The following SCAMP1 variants were observed in gnomAD, a reference collection of about 807,000 sequenced individuals.
SCAMP1 encodes secretory carrier membrane protein 1.
A neutral mutation model predicts 41.8 loss-of-function variants in SCAMP1; 15 were observed. The ratio of observed to expected loss-of-function variants is 0.36; its 90% confidence interval spans 0.24 to 0.55. The LOEUF (loss-of-function observed/expected upper bound fraction) is 0.55, where lower values mean the gene tolerates loss of function less well. Among genes scored for constraint, SCAMP1 ranks in the 20% least tolerant of loss-of-function variants. SCAMP1 has a pLI of 0.86. For missense variants in SCAMP1, 341 were observed against 412.6 expected (o/e 0.83, Z 1.50); for synonymous variants, 135 against 136.8 (o/e 0.99, Z 0.09).
chr5:78,374,529 ATGTCATTTTGGC>A (rs1020951923), intron 1 of SCAMP1, among the ~76,000 whole-genome samples: 1 of 152,112 alleles, frequency 6.6e-6, no homozygotes, highest in Non-Finnish European at 1.5e-5. Flanking sequence ...AGACCTCTCA[ATGTCATTTTGGC>A]TGTAAGCTAA....
intron 1 of SCAMP1, among the ~76,000 whole-genome samples, chr5:78,367,072 T>C (rs1750816449): frequency 6.6e-6 from 1 of 152,178 alleles, no homozygotes. Context: ...TGGAACATAG[T>C]GGTTGCAGTT....
At chr5:78,471,356 C>T (rs1370408238) in intron 8 of SCAMP1, among the ~76,000 whole-genome samples, 2 of 151,982 alleles carry the variant, frequency 1.3e-5, no homozygotes, top group East Asian at 3.9e-4. Context: ...GATATCTGAC[C>T]CATCTGTGGG....
At chr5:78,405,224 G>T (rs563752864) in intron 2 of SCAMP1, among the ~76,000 whole-genome samples, 3 of 152,278 alleles carry the variant, frequency 2.0e-5, no homozygotes, top group Admixed American at 2.0e-4. Context: ...GAAACTGAAA[G>T]TCCCCTTTAC....
At chr5:78,444,889 C>G (rs893498427) in intron 6 of SCAMP1, among the ~76,000 whole-genome samples, 1 of 152,170 alleles carries the variant, frequency 6.6e-6, no homozygotes, top group Non-Finnish European at 1.5e-5. Context: ...CCACTGTTAC[C>G]CCCATTTTGC....
intron 5 of SCAMP1, among the ~76,000 whole-genome samples, chr5:78,419,638 A>C (rs1254184208): frequency 6.6e-6 from 1 of 152,184 alleles, no homozygotes; most frequent in Non-Finnish European, 1.5e-5. Context: ...GGAGGTAGCT[A>C]TTGAGGGTTC....
intron 6 of SCAMP1, among the ~76,000 whole-genome samples, chr5:78,430,143 T>C (rs1752573019): frequency 2.2e-5 from 1 of 45,484 alleles, no homozygotes; most frequent in Admixed American, 2.5e-4. Flanking sequence ...ATAAATACAG[T>C]ATTTATTTAT....
Position 78,427,833 on chromosome 5 carries a change from T to C in SCAMP1, c.632+5873T>C, listed in dbSNP as rs566021597. Among the ~76,000 whole-genome samples, 25 of 152,318 alleles carry C rather than the reference T, an allele frequency of 1.6e-4. No individual in the cohort carries two copies. In the South Asian group the frequency reaches 4.8e-3, roughly 29 times the overall value. ...TTGCTTATTAGACGTGTGTCTTTTT[T>C]GGTGAAATGTTTGTTCAAGTTTATT... On this transcript the variant is annotated intron_variant, in intron 6 of 8. Transcript: ENST00000621999.
At chr5:78,473,976 CAG>C (rs1491223390) in intron 8 of SCAMP1, among the ~76,000 whole-genome samples, 1 of 151,806 alleles carries the variant, frequency 6.6e-6, no homozygotes, top group Admixed American at 6.6e-5. Context: ...TTCAGTATCT[CAG>C]GGGGGCCAAC....
At chr5:78,363,722 T>C (rs1169954461) in intron 1 of SCAMP1, among the ~76,000 whole-genome samples, 2 of 152,220 alleles carry the variant, frequency 1.3e-5, no homozygotes, top group African/African-American at 2.4e-5. Flanking sequence ...ATCATGAAAG[T>C]AGTTTGAGTC....
At chr5:78,443,327 G>T (rs149375731) in intron 6 of SCAMP1, among the ~76,000 whole-genome samples, 2 of 151,212 alleles carry the variant, frequency 1.3e-5, no homozygotes. Context: ...AAATCTGTTT[G>T]CTTATCCGTA....
chr5:78,400,131 T>A (rs1751761120), intron 2 of SCAMP1, among the ~76,000 whole-genome samples: 1 of 152,212 alleles, frequency 6.6e-6, no homozygotes, highest in African/African-American at 2.4e-5. Flanking sequence ...TTGAAAAGAC[T>A]GTTCCATTGT....
At chr5:78,419,239 A>G (rs964040239) in intron 5 of SCAMP1, among the ~76,000 whole-genome samples, 2 of 152,204 alleles carry the variant, frequency 1.3e-5, no homozygotes, top group Admixed American at 6.5e-5. Context: ...AAAATAGTGC[A>G]TACTAATTTT....
chr5:78,475,744 T>G lies in SCAMP1; in HGVS notation c.*76T>G. The G allele has an allele frequency of 2.5e-6, 3 of 1,207,044 alleles. No homozygotes were observed. The highest frequency in any genetic ancestry group is 3.3e-6 in the Non-Finnish European group (3 of 901,334). 74.8% of individuals were successfully genotyped at this position (1,207,044 alleles called of 1,614,324 possible). ...TTACTGTATTCTACAAATATTTTTA[T>G]GTTCAAAACACACAGTACAGACAGC... On this transcript the variant is annotated 3_prime_UTR_variant, in exon 9 of 9. Transcript: ENST00000621999.
At position 78,480,705 on chromosome 5, in the gene SCAMP1, C is replaced by A. The variant is rs1199471895; in HGVS notation, c.*5037C>A. Reference sequence around the variant, plus strand: ...ACAATTAAAAATTCAGAAAGTGATACATGAGAAAATAAAAATAAATCCTTA... The same window carrying A: ...ACAATTAAAAATTCAGAAAGTGATAAATGAGAAAATAAAAATAAATCCTTA... On this transcript the variant is annotated 3_prime_UTR_variant, in exon 9 of 9. Coordinates refer to ENST00000621999, the MANE Select transcript of SCAMP1 (RefSeq NM_004866.6). 6.6e-6 allele frequency among the ~76,000 whole-genome samples: 1 copy of A among 152,110 alleles called. No homozygotes were observed. The highest frequency in any genetic ancestry group is 1.5e-5 in the Non-Finnish European group (1 of 68,014).
chr5:78,475,610 C>G lies in SCAMP1; in HGVS notation c.959C>G (p.Ala320Gly). Reference sequence around the variant, plus strand: ...ACTGTCCAGACCGCAGCTGCAAATGCAGCTTCAACTGCAGCATCTAGTGCA... The same window carrying G: ...ACTGTCCAGACCGCAGCTGCAAATGGAGCTTCAACTGCAGCATCTAGTGCA... ...NKTVQTAAANAASTAASSAAQ... is the reference protein window; with the variant it reads ...NKTVQTAAANGASTAASSAAQ... Residue 320 changes from alanine to glycine, a missense_variant, in exon 9 of 9, where the codon GCA (alanine) becomes GGA (glycine). Physicochemically the swap from Ala to Gly is moderately conservative, Grantham distance 60. Transcript: ENST00000621999. 1 of 1,605,420 alleles carries G rather than the reference C, an allele frequency of 6.2e-7. No homozygotes were observed. The highest frequency in any genetic ancestry group is 8.5e-7 in the Non-Finnish European group (1 of 1,175,954).
intron 6 of SCAMP1, among the ~76,000 whole-genome samples, chr5:78,445,870 A>T (rs1753040566): frequency 6.6e-6 from 1 of 152,230 alleles, no homozygotes; most frequent in Non-Finnish European, 1.5e-5. Context: ...TCTCTTGGAG[A>T]TAAGAGTCTA....
chr5:78,388,146 G>C (rs971126032), intron 1 of SCAMP1, among the ~76,000 whole-genome samples: 8 of 152,130 alleles, frequency 5.3e-5, no homozygotes, highest in African/African-American at 1.7e-4. Flanking sequence ...CACGATGTAG[G>C]TCTCCACGTG....
intron 4 of SCAMP1, among the ~76,000 whole-genome samples, chr5:78,417,386 C>T (rs1215589684): frequency 6.6e-6 from 1 of 152,200 alleles, no homozygotes; most frequent in Non-Finnish European, 1.5e-5. Context: ...CTTGCAGCAT[C>T]AGAGGTAGCA....
intron 2 of SCAMP1, among the ~76,000 whole-genome samples, chr5:78,395,737 G>A (rs1751634312): frequency 6.6e-6 from 1 of 152,252 alleles, no homozygotes. Context: ...ACAGCCTCCA[G>A]AGGCTGTATA....
Sources: gnomAD v4.1 joint callset for allele counts (sites outside exome capture counted in the v4.1 genomes callset) on GRCh38, gnomAD v4.1.1 for gene constraint, MANE v1.5 for transcripts, NCBI Gene and HGNC (gene_info 2026-07-23, HGNC 2026-07-21) for gene names.